The following NELL2 variants were observed in gnomAD, a reference collection of about 807,000 sequenced individuals.
The protein encoded by NELL2 is neural EGFL like 2, also known as protein kinase C-binding protein NELL2.
Under a neutral mutation model 109.6 loss-of-function variants are expected in NELL2, and 41 were observed. The ratio of observed to expected loss-of-function variants is 0.37; its 90% CI spans 0.29 to 0.49. The LOEUF (loss-of-function observed/expected upper bound fraction) is 0.49. NELL2 is among the 20% of genes least tolerant of loss of function. The pLI is 0.98. For synonymous variants in NELL2, 355 were observed against 344.7 expected (o/e 1.03, Z -0.33); for missense variants, 900 against 1,008.3 (o/e 0.89, Z 1.45).
chr12:44,673,564 G>T (rs1948213158), intron 12 of NELL2, among the ~76,000 whole-genome samples: 1 of 152,166 alleles, frequency 6.6e-6, no homozygotes, highest in Admixed American at 6.5e-5. Flanking sequence ...GAAATATTCT[G>T]ACATAAGCTG....
chr12:44,669,448 G>A (rs1227212412), intron 12 of NELL2, among the ~76,000 whole-genome samples: 1 of 152,092 alleles, frequency 6.6e-6, no homozygotes, highest in African/African-American at 2.4e-5. Flanking sequence ...AAAGACATTA[G>A]AGAAACTCAG....
intron 1 of NELL2, chr12:44,921,720 A>G (rs1945869409): frequency 2.0e-5 from 3 of 152,214 alleles, no homozygotes; most frequent in African/African-American, 4.8e-5. Context: ...CTAAGATAGC[A>G]TACAGCAGAC....
intron 2 of NELL2, among the ~76,000 whole-genome samples, chr12:44,845,572 T>C (rs897589833): frequency 2.0e-5 from 3 of 152,204 alleles, no homozygotes; most frequent in Non-Finnish European, 4.4e-5. Flanking sequence ...ACTATTCTGT[T>C]GGACAGCTTT....
chr12:44,795,796 A>G (rs926044986), intron 3 of NELL2, among the ~76,000 whole-genome samples: 6 of 152,282 alleles, frequency 3.9e-5, no homozygotes, highest in Non-Finnish European at 7.4e-5. Context: ...CTCATTTATT[A>G]TAGAAAATTG....
At chr12:44,708,076 C>A (rs927221062) in intron 11 of NELL2, among the ~76,000 whole-genome samples, 1 of 152,074 alleles carries the variant, frequency 6.6e-6, no homozygotes, top group South Asian at 2.1e-4. Context: ...GGAGAAGAAC[C>A]AGAAGGACTG....
chr12:44,714,805 T>A lies in NELL2; in HGVS notation c.995-64A>T, dbSNP rs976463737. On this transcript the variant is annotated intron_variant, in intron 9 of 19. Transcript: ENST00000429094. ...GAAAAATAGCTTAGAAGGGATCAGATCATCTTGTAACAGCATTCCACATGT... is the reference window on the plus strand; with the variant it reads ...GAAAAATAGCTTAGAAGGGATCAGAACATCTTGTAACAGCATTCCACATGT... The A allele has an allele frequency of 2.8e-6, 3 of 1,055,972 alleles. No homozygotes were observed. In the East Asian group the frequency reaches 8.2e-5, roughly 29 times the overall value. The allele number at this position is 1,055,972 out of a possible 1,614,324, so 65.4% of individuals were successfully genotyped here. A position where few individuals can be genotyped will look rare whatever the true frequency, so the allele number is the denominator to read the frequency against.
intron 3 of NELL2, among the ~76,000 whole-genome samples, chr12:44,791,113 A>G (rs1255265069): frequency 1.8e-3 from 18 of 9,954 alleles, no homozygotes; most frequent in African/African-American, 5.4e-3. Flanking sequence ...ATATATGTAT[A>G]TATATATGTA....
At chr12:44,835,784 G>C (rs949232898) in intron 2 of NELL2, among the ~76,000 whole-genome samples, 3 of 152,200 alleles carry the variant, frequency 2.0e-5, no homozygotes, top group African/African-American at 7.2e-5. Flanking sequence ...GGGCAGAGGA[G>C]AAATGCGGAA....
upstream of NELL2, chr12:44,876,608 C>A: frequency 6.5e-7 from 1 of 1,550,044 alleles, no homozygotes; most frequent in Non-Finnish European, 8.7e-7. Context: ...TGCTCTCACC[C>A]CTCGATTTCG....
chr12:44,628,925 G>A (rs1343336007), intron 13 of NELL2, among the ~76,000 whole-genome samples: 1 of 152,104 alleles, frequency 6.6e-6, no homozygotes, highest in African/African-American at 2.4e-5. Context: ...AAATTTTAGA[G>A]GTCTTGAGAC....
intron 15 of NELL2, among the ~76,000 whole-genome samples, chr12:44,588,213 C>T (rs989170172): frequency 2.0e-5 from 3 of 151,802 alleles, no homozygotes; most frequent in Non-Finnish European, 4.4e-5. Context: ...AATCATTGTG[C>T]TTGATTGCTT....
intron 12 of NELL2, among the ~76,000 whole-genome samples, chr12:44,682,899 C>T (rs1243111254): frequency 1.1e-4 from 16 of 152,100 alleles, no homozygotes; most frequent in African/African-American, 1.7e-4. Context: ...CATGGCAATG[C>T]AGGCTCTTTT....
chr12:44,759,614 C>T (rs1941038533), intron 9 of NELL2, among the ~76,000 whole-genome samples: 1 of 152,192 alleles, frequency 6.6e-6, no homozygotes, highest in Admixed American at 6.5e-5. Flanking sequence ...AATTTCTAAC[C>T]TGCCAAACTA....
At chr12:44,783,305 G>A (rs1942033999) in intron 3 of NELL2, among the ~76,000 whole-genome samples, 2 of 151,060 alleles carry the variant, frequency 1.3e-5, no homozygotes, top group Admixed American at 1.3e-4. Flanking sequence ...AAATCAATAA[G>A]CTCCCACCTC....
At chr12:44,714,115 A>G (rs936256593) in intron 10 of NELL2, among the ~76,000 whole-genome samples, 1 of 152,000 alleles carries the variant, frequency 6.6e-6, no homozygotes, top group African/African-American at 2.4e-5. Context: ...TCGAGGGGCA[A>G]AAATTCAAAT....
At chr12:44,896,154 AAGG>A (rs1945590463) in intron 1 of NELL2, among the ~76,000 whole-genome samples, 1 of 152,214 alleles carries the variant, frequency 6.6e-6, no homozygotes, top group Non-Finnish European at 1.5e-5. Flanking sequence ...ATTAGAAAGC[AAGG>A]AGATGTCATT....
At position 44,508,778 on chromosome 12, in the gene NELL2, T is replaced by C; in HGVS notation, c.*156A>G. ...CAGTAATTTTCCTTTTGTGATTTTGTCAAGCTCCACAAATTTCATAATTGA... is the reference window on the plus strand; with the variant it reads ...CAGTAATTTTCCTTTTGTGATTTTGCCAAGCTCCACAAATTTCATAATTGA... On this transcript the variant is annotated 3_prime_UTR_variant, in exon 20 of 20. Coordinates refer to ENST00000429094, the MANE Select transcript of NELL2 (RefSeq NM_001145108.2). The C allele has an allele frequency of 1.5e-6, 1 of 659,746 alleles. No individual in the cohort carries two copies. Among genetic ancestry groups the C allele is most frequent in the Non-Finnish European group, 2.6e-6 (1 of 380,120 alleles). 40.9% of individuals were successfully genotyped at this position (659,746 alleles called of 1,614,324 possible). A position where few individuals can be genotyped will look rare whatever the true frequency, so the allele number is the denominator to read the frequency against.
rs574473032 is a variant in NELL2 at position 44,528,909 on chromosome 12, A to G, written c.1804+3672T>C. On this transcript the variant is annotated intron_variant, in intron 16 of 19. Coordinates refer to ENST00000429094, the MANE Select transcript of NELL2 (RefSeq NM_001145108.2). ...TTCCACATAAAGTGACAGTACATGCAAAGAAATCTGTTTCATATATTTTAG... is the reference window on the plus strand; with the variant it reads ...TTCCACATAAAGTGACAGTACATGCGAAGAAATCTGTTTCATATATTTTAG... 7.2e-5 allele frequency among the ~76,000 whole-genome samples: 11 copies of G among 152,360 alleles called. No homozygotes were observed. In the East Asian group the frequency reaches 2.1e-3, roughly 29 times the overall value.
intron 15 of NELL2, among the ~76,000 whole-genome samples, chr12:44,553,554 A>C (rs926213352): frequency 2.0e-5 from 3 of 152,178 alleles, no homozygotes; most frequent in African/African-American, 7.2e-5. Context: ...GTAAATTTTA[A>C]AAAGGTCAAA....
Sources: gnomAD v4.1 joint callset for allele counts (sites outside exome capture counted in the v4.1 genomes callset) on GRCh38, gnomAD v4.1.1 for gene constraint, MANE v1.5 for transcripts, NCBI Gene and HGNC (gene_info 2026-07-23, HGNC 2026-07-21) for gene names.